Variants in UBL3 observed in about 807,000 individuals in gnomAD.
UBL3 encodes ubiquitin like 3.
A neutral mutation model predicts 18.4 loss-of-function variants in UBL3; 6 were observed. The ratio of observed to expected loss-of-function variants is 0.33; its 90% CI spans 0.18 to 0.64. UBL3 has a LOEUF of 0.64. Among genes scored for constraint, UBL3 ranks in the 30% least tolerant of loss-of-function variants. UBL3 has a pLI of 0.76. For synonymous variants in UBL3, 49 were observed against 46.6 expected (o/e 1.05, Z -0.21); for missense variants, 109 against 142.9 (o/e 0.76, Z 1.21).
At chr13:29,774,237 C>T (rs1876921441) in intron 2 of UBL3, among the ~76,000 whole-genome samples, 1 of 152,002 alleles carries the variant, frequency 6.6e-6, no homozygotes, top group South Asian at 2.1e-4. Flanking sequence ...TGAATTTAAA[C>T]TAATTTTAAT....
At chr13:29,839,536 C>T (rs906707673) in intron 1 of UBL3, among the ~76,000 whole-genome samples, 1 of 152,176 alleles carries the variant, frequency 6.6e-6, no homozygotes, top group African/African-American at 2.4e-5. Context: ...CATCTGTATT[C>T]TCAGCTACTT....
At chr13:29,802,294 GA>G (rs1433676538) in intron 1 of UBL3, among the ~76,000 whole-genome samples, 1 of 152,198 alleles carries the variant, frequency 6.6e-6, no homozygotes, top group African/African-American at 2.4e-5. Context: ...TTGGCCTTCT[GA>G]AAACATCCAG....
At chr13:29,798,752 A>G (rs902257712) in intron 1 of UBL3, among the ~76,000 whole-genome samples, 2 of 152,198 alleles carry the variant, frequency 1.3e-5, no homozygotes, top group East Asian at 1.9e-4. Context: ...TTCTTAAATG[A>G]GCAAAATTAA....
chr13:29,799,926 T>C (rs1877714890), intron 1 of UBL3, among the ~76,000 whole-genome samples: 1 of 152,072 alleles, frequency 6.6e-6, no homozygotes, highest in Non-Finnish European at 1.5e-5. Context: ...ACAAAATTTG[T>C]CACATTGTGG....
chr13:29,774,673 A>C (rs936240978), intron 2 of UBL3, among the ~76,000 whole-genome samples: 1 of 152,118 alleles, frequency 6.6e-6, no homozygotes, highest in Non-Finnish European at 1.5e-5. Flanking sequence ...GTATTTGTAT[A>C]AATCAGTATT....
intron 1 of UBL3, among the ~76,000 whole-genome samples, chr13:29,820,169 CTTTTTTT>C (rs36050662): frequency 6.3e-4 from 66 of 104,952 alleles, no homozygotes; most frequent in South Asian, 1.9e-3. Context: ...CTCAGAGTTC[CTTTTTTT>C]TTTTTTTTTT....
chr13:29,784,979 C>T (rs968241140), intron 1 of UBL3, among the ~76,000 whole-genome samples: 8 of 152,182 alleles, frequency 5.3e-5, no homozygotes, highest in Admixed American at 3.9e-4. Flanking sequence ...GATCTCGGCT[C>T]GCCGCAACCT....
intron 1 of UBL3, among the ~76,000 whole-genome samples, chr13:29,802,078 G>A (rs1877785900): frequency 6.6e-6 from 1 of 152,236 alleles, no homozygotes; most frequent in Admixed American, 6.5e-5. Context: ...AGGAAGCACA[G>A]CTGCAGTGGT....
intron 2 of UBL3, among the ~76,000 whole-genome samples, chr13:29,775,384 A>C (rs1209003462): frequency 6.6e-6 from 1 of 152,196 alleles, no homozygotes; most frequent in Non-Finnish European, 1.5e-5. Context: ...CCTCTAGAAA[A>C]GCTCCGTATA....
At chr13:29,843,651 G>C (rs913512044) in intron 1 of UBL3, among the ~76,000 whole-genome samples, 2 of 152,078 alleles carry the variant, frequency 1.3e-5, no homozygotes, top group Non-Finnish European at 2.9e-5. Flanking sequence ...TCTTTTTCCT[G>C]ACTGCAATAA....
intron 1 of UBL3, among the ~76,000 whole-genome samples, chr13:29,812,299 C>T (rs1878110356): frequency 6.6e-6 from 1 of 151,970 alleles, no homozygotes; most frequent in African/African-American, 2.4e-5. Context: ...GCTCTTATTG[C>T]TGAACTCTTG....
At chr13:29,780,367 A>AAAAAAAAAAAAATAT (rs1359464345) in intron 1 of UBL3, among the ~76,000 whole-genome samples, 17 of 103,302 alleles carry the variant, frequency 1.6e-4, no homozygotes, top group African/African-American at 5.6e-4. Flanking sequence ...AAAAAAAAAA[A>AAAAAAAAAAAAATAT]ATATATATAT....
At chr13:29,824,275 A>ATCACCACACTGTCTT (rs1277702243) in intron 1 of UBL3, among the ~76,000 whole-genome samples, 54 of 152,322 alleles carry the variant, frequency 3.5e-4, no homozygotes, top group African/African-American at 1.2e-3. Flanking sequence ...TCCTTGAGGA[A>ATCACCACACTGTCTT]TCACCACACT....
intron 1 of UBL3, among the ~76,000 whole-genome samples, chr13:29,815,863 A>G (rs761603582): frequency 2.6e-5 from 4 of 152,292 alleles, no homozygotes; most frequent in Non-Finnish European, 4.4e-5. Context: ...TTTGGGAGCT[A>G]CCTCAACTTG....
chr13:29,814,344 C>T (rs1392086352), intron 1 of UBL3, among the ~76,000 whole-genome samples: 1 of 151,966 alleles, frequency 6.6e-6, no homozygotes, highest in Admixed American at 6.6e-5. Context: ...AATTTATATT[C>T]TACCAAACAG....
chr13:29,808,698 C>T (rs770179700), intron 1 of UBL3, among the ~76,000 whole-genome samples: 2 of 152,124 alleles, frequency 1.3e-5, no homozygotes, highest in African/African-American at 4.8e-5. Context: ...AAGACCAATG[C>T]TTACACAAAG....
intron 1 of UBL3, among the ~76,000 whole-genome samples, chr13:29,843,542 T>TA (rs897140172): frequency 3.9e-5 from 6 of 152,188 alleles, no homozygotes; most frequent in Non-Finnish European, 7.4e-5. Flanking sequence ...ACATGTCACT[T>TA]ACTAACTTAC....
intron 3 of UBL3, among the ~76,000 whole-genome samples, chr13:29,771,308 C>A (rs1477180685): frequency 6.6e-6 from 1 of 152,066 alleles, no homozygotes; most frequent in East Asian, 1.9e-4. Flanking sequence ...ATTTGAAATA[C>A]CTATTTTCAA....
chr13:29,776,812 G>A (rs910276372), intron 2 of UBL3, among the ~76,000 whole-genome samples: 10 of 146,650 alleles, frequency 6.8e-5, no homozygotes, highest in African/African-American at 2.5e-4. Context: ...CAGAGGTTGC[G>A]GTGAGCTAAG....
Sources: gnomAD v4.1 joint callset for allele counts (sites outside exome capture counted in the v4.1 genomes callset) on GRCh38, gnomAD v4.1.1 for gene constraint, MANE v1.5 for transcripts, NCBI Gene and HGNC (gene_info 2026-07-23, HGNC 2026-07-21) for gene names.